ASH1L: variants seen among roughly 807,000 people sequenced by gnomAD.
ASH1L encodes the protein ASH1 like histone lysine methyltransferase, also known as histone-lysine N-methyltransferase ASH1L.
ASH1L carries 23 observed loss-of-function variants against 269.0 expected under a neutral mutation model. The observed-to-expected ratio is 0.09, with a 90% CI of 0.06 to 0.12. ASH1L has a LOEUF of 0.12. ASH1L is among the 10% of genes least tolerant of loss of function. ASH1L has a pLI of 1.00. For synonymous variants in ASH1L, 1,187 were observed against 1,253.5 expected (o/e 0.95, Z 1.12); for missense variants, 2,912 against 3,567.8 (o/e 0.82, Z 4.68).
intron 3 of ASH1L, among the ~76,000 whole-genome samples, chr1:155,470,977 C>T (rs981378161): frequency 2.6e-5 from 4 of 152,130 alleles, no homozygotes; most frequent in Admixed American, 6.5e-5. Flanking sequence ...GGGATCAAAA[C>T]AAAAGATATC....
intron 2 of ASH1L, among the ~76,000 whole-genome samples, chr1:155,499,240 C>T (rs983827711): frequency 5.9e-5 from 9 of 152,102 alleles, no homozygotes; most frequent in African/African-American, 2.2e-4. Flanking sequence ...TTCCACCACC[C>T]AAGAAGTTCT....
chr1:155,452,381 A>G (rs965320293), intron 4 of ASH1L, among the ~76,000 whole-genome samples: 1 of 151,970 alleles, frequency 6.6e-6, no homozygotes, highest in African/African-American at 2.4e-5. Context: ...ATTAAAAAAA[A>G]TTTTTGTTTT....
rs569819196 is a variant in ASH1L at position 155,552,423 on chromosome 1, G to A, written c.-100+9730C>T. 4.6e-5 allele frequency among the ~76,000 whole-genome samples: 7 copies of A among 151,114 alleles called. 1 individual carries two copies. The Middle Eastern group carries it at 0.014, about 298-fold the overall frequency. On this transcript the variant is annotated intron_variant, in intron 1 of 27. Coordinates refer to ENST00000392403, the MANE Select transcript of ASH1L (RefSeq NM_018489.3). ...GGAGTTTGCAGTGAGCCGAGATCGC[G>A]CCACTGCACTCCAGCCTAGCCGACA...
At chr1:155,399,313 T>C (rs1002886922) in intron 6 of ASH1L, among the ~76,000 whole-genome samples, 7 of 152,196 alleles carry the variant, frequency 4.6e-5, no homozygotes, top group African/African-American at 1.4e-4. Context: ...TATGTAGATA[T>C]CTAGATTATC....
intron 1 of ASH1L, among the ~76,000 whole-genome samples, chr1:155,526,721 A>C (rs1669286784): frequency 2.0e-5 from 3 of 152,032 alleles, no homozygotes; most frequent in Admixed American, 2.0e-4. Context: ...ATATCTACCT[A>C]CCTTCCTACC....
intron 4 of ASH1L, among the ~76,000 whole-genome samples, chr1:155,447,012 C>T (rs1389237006): frequency 6.6e-6 from 1 of 152,204 alleles, no homozygotes; most frequent in East Asian, 1.9e-4. Context: ...TAAGTTCCAG[C>T]AACTTTTTAA....
rs1319901356 is a variant in ASH1L, at chr1:155,438,969, G to A, written c.5186C>T (p.Pro1729Leu). Residue 1729 changes from proline to leucine, a missense_variant, in exon 5 of 28, where the codon CCC becomes CTC. By Grantham distance (98) the Pro-to-Leu change is moderately conservative. Around this residue, in one of 13 missense-constraint regions of ASH1L, gnomAD observed 789 missense variants for 897.6 expected, o/e 0.88. Transcript: ENST00000392403. ...QRMVQNEDQE[P>L]MEKSIDAVIA... Reference sequence around the variant, plus strand: ...CACAGCATCAATACTTTTCTCCATGGGCTCTTGGTCCTCATTTTGTACCAT... The same window carrying A: ...CACAGCATCAATACTTTTCTCCATGAGCTCTTGGTCCTCATTTTGTACCAT... The A allele has an allele frequency of 1.2e-6, 2 of 1,614,014 alleles. No individual in the cohort carries two copies. Among genetic ancestry groups the A allele is most frequent in the African/African-American group, 1.3e-5 (1 of 74,904 alleles).
At chr1:155,526,658 G>C (rs1241235550) in intron 1 of ASH1L, among the ~76,000 whole-genome samples, 2 of 152,108 alleles carry the variant, frequency 1.3e-5, no homozygotes, top group Non-Finnish European at 2.9e-5. Context: ...GATCACAGCA[G>C]TAGTCAGATA....
In ASH1L at chr1:155,439,079, C is replaced by CAAT. The variant is rs755225389; in HGVS notation, c.5087-14_5087-12dup. On this transcript the variant is annotated splice_polypyrimidine_tract_variant and intron_variant, in intron 4 of 27. Coordinates refer to ENST00000392403, the MANE Select transcript of ASH1L (RefSeq NM_018489.3). ...AGGGAACTCCGTTTACTGAAAGAGA[C>CAAT]AATAAATCACACATAGACAAAATTG... 6.3e-7 allele frequency: 1 copy of CAAT among 1,585,376 alleles called. No homozygotes were observed. The highest frequency in any genetic ancestry group is 1.2e-5 in the South Asian group (1 of 86,306).
At chr1:155,474,922 C>T (rs1665417928) in intron 3 of ASH1L, among the ~76,000 whole-genome samples, 1 of 152,162 alleles carries the variant, frequency 6.6e-6, no homozygotes, top group African/African-American at 2.4e-5. Context: ...ATGCAGAAGG[C>T]AAAATCATCA....
intron 12 of ASH1L, among the ~76,000 whole-genome samples, chr1:155,363,377 G>A (rs182956428): frequency 5.7e-4 from 87 of 152,100 alleles, no homozygotes; most frequent in Non-Finnish European, 1.2e-3. Flanking sequence ...CTGGGCTGAA[G>A]TGATCCTCCC....
At chr1:155,498,917 TA>T (rs56675557) in intron 2 of ASH1L, among the ~76,000 whole-genome samples, 1,606 of 80,132 alleles carry the variant, frequency 0.02, 14 homozygotes, top group East Asian at 0.091. Context: ...AGAACAGGAG[TA>T]AAAAAAAAAA....
intron 1 of ASH1L, among the ~76,000 whole-genome samples, chr1:155,538,411 G>A (rs1284834103): frequency 6.6e-6 from 1 of 151,410 alleles, no homozygotes; most frequent in Non-Finnish European, 1.5e-5. Flanking sequence ...AGGCTGGAAT[G>A]CAATGGCGCA....
In ASH1L at chr1:155,562,372, A is replaced by T. The variant is rs1672057428; in HGVS notation, c.-319T>A. 6.6e-7 allele frequency: 1 copy of T among 1,514,580 alleles called. No homozygotes were observed. The highest frequency in any genetic ancestry group is 9.0e-7 in the Non-Finnish European group (1 of 1,112,362). The allele number at this position is 1,514,580 out of a possible 1,614,324, so 93.8% of individuals were successfully genotyped here. On this transcript the variant is annotated 5_prime_UTR_variant, in exon 1 of 28. It adds an upstream start codon to the 5' untranslated region. Coordinates refer to ENST00000392403, the MANE Select transcript of ASH1L (RefSeq NM_018489.3). ...AAACTGAGGGGAGGCGGGTCCCGCAACCGAGACTGGGATCGTCTCCCCTCC... is the reference window on the plus strand; with the variant it reads ...AAACTGAGGGGAGGCGGGTCCCGCATCCGAGACTGGGATCGTCTCCCCTCC...
intron 4 of ASH1L, among the ~76,000 whole-genome samples, chr1:155,445,038 T>A (rs1252052669): frequency 6.6e-6 from 1 of 152,138 alleles, no homozygotes; most frequent in Non-Finnish European, 1.5e-5. Flanking sequence ...CGAAATTTCA[T>A]AGGGGTATAT....
intron 21 of ASH1L, among the ~76,000 whole-genome samples, chr1:155,345,339 C>T (rs1473151284): frequency 6.6e-6 from 1 of 151,446 alleles, no homozygotes; most frequent in East Asian, 1.9e-4. Context: ...TGCCACTGCA[C>T]CCGGCTAATT....
At chr1:155,504,491 G>A (rs1478384581) in intron 2 of ASH1L, among the ~76,000 whole-genome samples, 3 of 152,150 alleles carry the variant, frequency 2.0e-5, no homozygotes, top group African/African-American at 7.2e-5. Flanking sequence ...CTCTCATGAA[G>A]ACCAGGGTAG....
At chr1:155,462,298 T>G (rs941591407) in intron 3 of ASH1L, among the ~76,000 whole-genome samples, 1 of 152,228 alleles carries the variant, frequency 6.6e-6, no homozygotes, top group Non-Finnish European at 1.5e-5. Context: ...GTGGCACTTG[T>G]GCCATCCATT....
chr1:155,476,843 G>T (rs558056926), intron 3 of ASH1L, among the ~76,000 whole-genome samples: 1 of 152,136 alleles, frequency 6.6e-6, no homozygotes, highest in African/African-American at 2.4e-5. Context: ...GTGAGCCACT[G>T]CGCCTGGCCT....
Sources: gnomAD v4.1 joint callset for allele counts (sites outside exome capture counted in the v4.1 genomes callset) on GRCh38, gnomAD v4.1.1 for gene constraint, gnomAD v4.1.1 regional missense constraint, MANE v1.5 for transcripts, NCBI Gene and HGNC (gene_info 2026-07-23, HGNC 2026-07-21) for gene names.